Variants in PRKCA observed in about 807,000 individuals in gnomAD.
PRKCA encodes the protein protein kinase C alpha.
A neutral mutation model predicts 87.0 loss-of-function variants in PRKCA; 27 were observed. The ratio of observed to expected loss-of-function variants is 0.31; its 90% CI spans 0.23 to 0.43. The LOEUF is 0.43. Ranked by LOEUF, PRKCA falls within the 20% of genes least tolerant of loss-of-function variation. The probability of loss-of-function intolerance (pLI) is 1.00; values close to 1 mark genes in which losing one functional copy is unlikely to be tolerated. For missense variants in PRKCA, 518 were observed against 852.3 expected (o/e 0.61, Z 4.88); for synonymous variants, 329 against 311.1 (o/e 1.06, Z -0.61).
At chr17:66,688,680 G>A (rs1009241608) in intron 7 of PRKCA, among the ~76,000 whole-genome samples, 2 of 152,102 alleles carry the variant, frequency 1.3e-5, no homozygotes, top group Admixed American at 1.3e-4. Flanking sequence ...GTGTACCCCT[G>A]TAGTCCCAGC....
rs915610095 is a variant in PRKCA, at chr17:66,490,315, C to T, written c.206-5886C>T. Among the ~76,000 whole-genome samples the T allele has an allele frequency of 6.6e-5, 10 of 151,484 alleles. No homozygotes were observed. The South Asian group carries it at 1.3e-3, about 19-fold the overall frequency. ...CATTAAGTACCTTCCCAGTGTTAGA[C>T]GACCATCACTACCATCCATTTCCAG... On this transcript the variant is annotated intron_variant, in intron 2 of 16. Transcript: ENST00000413366.
intron 2 of PRKCA, among the ~76,000 whole-genome samples, chr17:66,383,809 CG>C (rs999037850): frequency 1.3e-5 from 2 of 151,822 alleles, no homozygotes; most frequent in Non-Finnish European, 2.9e-5. Context: ...AAAAATTAGC[CG>C]GGTGTGGTGA....
At chr17:66,364,523 G>T (rs1338103415) in intron 2 of PRKCA, among the ~76,000 whole-genome samples, 5 of 152,156 alleles carry the variant, frequency 3.3e-5, no homozygotes, top group South Asian at 2.1e-4. Flanking sequence ...ATGGAGAAGA[G>T]GAGAGAGGGA....
intron 15 of PRKCA, 139 bp from the exon 16 acceptor site, chr17:66,788,700 A>G: frequency 1.0e-6 from 1 of 965,966 alleles, no homozygotes; most frequent in Non-Finnish European, 1.5e-6. Flanking sequence ...CAAGCCACTG[A>G]GTGTCTTGGT....
intron 2 of PRKCA, among the ~76,000 whole-genome samples, chr17:66,377,713 A>ATTTT (rs1567797827): frequency 1.4e-5 from 1 of 72,352 alleles, no homozygotes; most frequent in Non-Finnish European, 2.7e-5. Flanking sequence ...ATATATATAT[A>ATTTT]TATATATATT....
At chr17:66,481,430 A>T (rs1238162728) in intron 2 of PRKCA, among the ~76,000 whole-genome samples, 1 of 152,106 alleles carries the variant, frequency 6.6e-6, no homozygotes, top group Non-Finnish European at 1.5e-5. Context: ...CAGGCCTAAT[A>T]GACTTGCCCC....
At chr17:66,712,305 T>TCCTGGAACCCTATTTGGGA (rs1973351287) in intron 8 of PRKCA, among the ~76,000 whole-genome samples, 3 of 152,166 alleles carry the variant, frequency 2.0e-5, no homozygotes, top group Non-Finnish European at 4.4e-5. Flanking sequence ...CGTACTTGGG[T>TCCTGGAACCCTATTTGGGA]CCTGGAACCC....
chr17:66,810,603 A>G lies in PRKCA; in HGVS notation c.*6566A>G, dbSNP rs1006495221. On this transcript the variant is annotated 3_prime_UTR_variant, in exon 17 of 17. Transcript: ENST00000413366. ...CAAACACCATTTGGTTATATCGCAG[A>G]GGAGACGGATGTGTAAATTACTGCA... 2.6e-5 allele frequency: 4 copies of G among 152,208 alleles called. No homozygotes were observed. The East Asian group carries it at 7.7e-4, about 29-fold the overall frequency. The allele number at this position is 152,208 out of a possible 1,614,324, so 9.4% of individuals were successfully genotyped here. A position where few individuals can be genotyped will look rare whatever the true frequency, so the allele number is the denominator to read the frequency against.
chr17:66,528,738 C>T (rs773725092), intron 3 of PRKCA, among the ~76,000 whole-genome samples: 11 of 152,148 alleles, frequency 7.2e-5, no homozygotes, highest in Non-Finnish European at 1.5e-4. Flanking sequence ...TATTATGTTA[C>T]AGCAGCAATG....
chr17:66,485,761 A>G (rs1422223183), intron 2 of PRKCA, among the ~76,000 whole-genome samples: 1 of 152,172 alleles, frequency 6.6e-6, no homozygotes. Flanking sequence ...CTTGGACTGA[A>G]GGCAAGAGAG....
intron 3 of PRKCA, among the ~76,000 whole-genome samples, chr17:66,526,447 C>T (rs995188009): frequency 1.3e-5 from 2 of 152,174 alleles, no homozygotes; most frequent in Non-Finnish European, 2.9e-5. Context: ...AGCTAGGCAT[C>T]TCGGCCTCTC....
intron 3 of PRKCA, among the ~76,000 whole-genome samples, chr17:66,593,977 C>T (rs528410593): frequency 1.3e-5 from 2 of 152,114 alleles, no homozygotes; most frequent in African/African-American, 4.8e-5. Context: ...CCCAGCTGCT[C>T]GGGAGGCTGA....
chr17:66,688,501 G>A, intron 7 of PRKCA, 65 bp downstream of exon 7: 1 of 1,595,738 alleles, frequency 6.3e-7, no homozygotes. Flanking sequence ...TTAGGTTTCA[G>A]TCTCTCAAAT....
intron 3 of PRKCA, among the ~76,000 whole-genome samples, chr17:66,596,112 C>T (rs189235342): frequency 6.6e-5 from 10 of 152,300 alleles, no homozygotes; most frequent in African/African-American, 9.6e-5. Flanking sequence ...CACTTCTTTC[C>T]GTGTGCTTGC....
intron 8 of PRKCA, among the ~76,000 whole-genome samples, chr17:66,718,359 C>T (rs781282449): frequency 3.9e-5 from 6 of 152,246 alleles, no homozygotes; most frequent in Non-Finnish European, 5.9e-5. Context: ...GATGCCCAGG[C>T]GGGAGTGCAG....
chr17:66,592,946 C>A (rs1969855628), intron 3 of PRKCA, among the ~76,000 whole-genome samples: 1 of 152,136 alleles, frequency 6.6e-6, no homozygotes, highest in Non-Finnish European at 1.5e-5. Flanking sequence ...GCATGTGCCA[C>A]CACACTCAGA....
chr17:66,356,518 C>G (rs1908063978), intron 2 of PRKCA, among the ~76,000 whole-genome samples: 1 of 152,000 alleles, frequency 6.6e-6, no homozygotes, highest in Admixed American at 6.6e-5. Flanking sequence ...GCCTGTAGTC[C>G]CAGCTACTCG....
intron 3 of PRKCA, among the ~76,000 whole-genome samples, chr17:66,582,745 A>G (rs534662589): frequency 1.3e-5 from 2 of 152,230 alleles, no homozygotes; most frequent in Admixed American, 1.3e-4. Context: ...GGCCACCAGG[A>G]TGTGAGCTGT....
intron 2 of PRKCA, among the ~76,000 whole-genome samples, chr17:66,485,893 G>A (rs1225298275): frequency 6.6e-6 from 1 of 152,100 alleles, no homozygotes; most frequent in African/African-American, 2.4e-5. Context: ...TAAAAATATT[G>A]CAGAGAGAAG....
Sources: gnomAD v4.1 joint callset for allele counts (sites outside exome capture counted in the v4.1 genomes callset) on GRCh38, gnomAD v4.1.1 for gene constraint, MANE v1.5 for transcripts, NCBI Gene and HGNC (gene_info 2026-07-23, HGNC 2026-07-21) for gene names.